Variants in UBA3 observed in about 807,000 individuals in gnomAD.
UBA3 encodes ubiquitin like modifier activating enzyme 3, also known as NEDD8-activating enzyme E1 catalytic subunit.
In UBA3, 26 loss-of-function variants were observed where a neutral mutation model predicts 73.5. The ratio of observed to expected loss-of-function variants is 0.35; its 90% CI spans 0.26 to 0.49. UBA3 has a LOEUF of 0.49. Ranked by LOEUF, UBA3 falls within the 20% of genes least tolerant of loss-of-function variation. The pLI is 0.98. For synonymous variants in UBA3, 217 were observed against 191.2 expected (o/e 1.13, Z -1.11); for missense variants, 495 against 555.6 (o/e 0.89, Z 1.10).
Position 69,064,017 on chromosome 3 carries a change from C to G in UBA3, c.472+51G>C, listed in dbSNP as rs1480737447. On this transcript the variant is annotated intron_variant, in intron 7 of 17. Transcript: ENST00000361055. ...CTAGCAATATTTGAATAGCTACCAA[C>G]TAAAAAATTCTAAGAATCTAGTGAG... 4 of 1,497,304 alleles carry G rather than the reference C, an allele frequency of 2.7e-6. No individual in the cohort carries two copies. The Admixed American group carries it at 7.9e-5, about 30-fold the overall frequency. The allele number at this position is 1,497,304 out of a possible 1,614,324, so 92.8% of individuals were successfully genotyped here.
chr3:69,068,810 A>T (rs1466124540), intron 5 of UBA3, among the ~76,000 whole-genome samples: 1 of 152,194 alleles, frequency 6.6e-6, no homozygotes, highest in African/African-American at 2.4e-5. Context: ...ACCTCAGGTG[A>T]TCTGCCCGCC....
At chr3:69,070,403 T>G (rs2092111473) in intron 5 of UBA3, among the ~76,000 whole-genome samples, 1 of 152,186 alleles carries the variant, frequency 6.6e-6, no homozygotes, top group Non-Finnish European at 1.5e-5. Flanking sequence ...ATCCAAAAAC[T>G]TAATGTTACC....
At chr3:69,058,269 T>G (rs565600363) in intron 11 of UBA3, among the ~76,000 whole-genome samples, 5 of 152,340 alleles carry the variant, frequency 3.3e-5, no homozygotes, top group Middle Eastern at 3.4e-3. Flanking sequence ...AAACCATTTT[T>G]TAAAAGTACA....
chr3:69,070,764 T>C (rs1393041094), intron 5 of UBA3, among the ~76,000 whole-genome samples: 1 of 152,074 alleles, frequency 6.6e-6, no homozygotes, highest in Non-Finnish European at 1.5e-5. Flanking sequence ...ACGATCCTCC[T>C]ACCTCAGCTT....
intron 10 of UBA3, 50 bp downstream of exon 10, chr3:69,062,026 GA>G: frequency 6.9e-7 from 1 of 1,450,474 alleles, no homozygotes; most frequent in South Asian, 1.2e-5. Context: ...GAATAATATA[GA>G]AAAAATATGT....
Position 69,062,144 on chromosome 3 carries a change from G to A in UBA3, c.729C>T (p.Pro243=). 1 of 1,613,532 alleles carries A rather than the reference G, an allele frequency of 6.2e-7. No individual in the cohort carries two copies. The highest frequency in any genetic ancestry group is 8.5e-7 in the Non-Finnish European group (1 of 1,179,594). Residue 243 remains proline (P), a synonymous_variant, in exon 10 of 18, where the codon CCC becomes CCT. Transcript: ENST00000361055. ...NFPMCTIASM[P]RLPEHCIEYV... Reference sequence around the variant, plus strand: ...ACTCAATACAGTGTTCTGGTAGCCTGGGCATAGATGCAATGGTGCACATGG... The same window carrying A: ...ACTCAATACAGTGTTCTGGTAGCCTAGGCATAGATGCAATGGTGCACATGG...
rs1236599440 is a variant in UBA3 at position 69,068,790 on chromosome 3, C to T, written c.348-782G>A. Among the ~76,000 whole-genome samples the T allele has an allele frequency of 2.0e-5, 3 of 152,124 alleles. No individual in the cohort carries two copies. In the East Asian group the frequency reaches 5.8e-4, roughly 29 times the overall value. ...TTTGCCATGTTGGTCAGGCTGGTCTCGAACTCCTGACCTCAGGTGATCTGC... is the reference window on the plus strand; with the variant it reads ...TTTGCCATGTTGGTCAGGCTGGTCTTGAACTCCTGACCTCAGGTGATCTGC... On this transcript the variant is annotated intron_variant, in intron 5 of 17. Coordinates refer to ENST00000361055, the MANE Select transcript of UBA3 (RefSeq NM_003968.4).
At chr3:69,070,441 A>G (rs2092112022) in intron 5 of UBA3, among the ~76,000 whole-genome samples, 1 of 152,180 alleles carries the variant, frequency 6.6e-6, no homozygotes, top group East Asian at 1.9e-4. Flanking sequence ...TTTATCCTAT[A>G]TACCCAGAAC....
At chr3:69,063,343 A>C (rs961263838) in intron 8 of UBA3, 96 bp downstream of exon 8, 3 of 1,353,170 alleles carry the variant, frequency 2.2e-6, no homozygotes, top group Non-Finnish European at 3.0e-6. Context: ...TAAAAATTAA[A>C]CTCTGATTTT....
chr3:69,057,075 G>T (rs1297981528), intron 12 of UBA3, among the ~76,000 whole-genome samples, 181 bp downstream of exon 12: 1 of 152,140 alleles, frequency 6.6e-6, no homozygotes, highest in East Asian at 1.9e-4. Context: ...TTTACTGCAG[G>T]TAACTTAAGA....
intron 11 of UBA3, among the ~76,000 whole-genome samples, chr3:69,057,640 T>C (rs1457649304): frequency 2.6e-5 from 4 of 152,220 alleles, no homozygotes; most frequent in East Asian, 1.9e-4. Context: ...AACATCTTCA[T>C]GTTAATTACT....
chr3:69,078,448 T>G (rs1441393342), intron 2 of UBA3, among the ~76,000 whole-genome samples: 1 of 152,206 alleles, frequency 6.6e-6, no homozygotes, highest in Non-Finnish European at 1.5e-5. Context: ...TCACACACTT[T>G]TCTCAGAAAT....
chr3:69,068,359 T>C (rs1414549690), intron 5 of UBA3, among the ~76,000 whole-genome samples: 2 of 152,174 alleles, frequency 1.3e-5, no homozygotes, highest in Non-Finnish European at 1.5e-5. Context: ...CAGAACCTTA[T>C]GGTGTTACTC....
intron 9 of UBA3, 25 bp from the exon 10 acceptor site, chr3:69,062,204 A>G: frequency 2.1e-6 from 3 of 1,462,020 alleles, no homozygotes; most frequent in Non-Finnish European, 2.9e-6. Flanking sequence ...TGTCCTTTTC[A>G]GTGAATTTTA....
chr3:69,067,908 T>C lies in UBA3; in HGVS notation c.428+20A>G, dbSNP rs1389827059. 6.4e-7 allele frequency: 1 copy of C among 1,552,016 alleles called. No individual in the cohort carries two copies. Among genetic ancestry groups the C allele is most frequent in the Non-Finnish European group, 8.8e-7 (1 of 1,131,844 alleles). On this transcript the variant is annotated intron_variant, in intron 6 of 17. Transcript: ENST00000361055. ...AAAGCTTTTAAAAATTAAGTAATTT[T>C]CTTTTTGTCAAAAGGATACGGAACT...
At chr3:69,057,109 CAA>C in intron 12 of UBA3, 145 bp downstream of exon 12, 1 of 907,618 alleles carries the variant, frequency 1.1e-6, no homozygotes, top group African/African-American at 1.7e-5. Flanking sequence ...AAAAAATATG[CAA>C]AGTCTAATAA....
chr3:69,073,311 C>G (rs2092136997), intron 4 of UBA3, among the ~76,000 whole-genome samples: 2 of 152,316 alleles, frequency 1.3e-5, no homozygotes, highest in African/African-American at 4.8e-5. Context: ...GCGATGATAG[C>G]CTCCTTGCAG....
chr3:69,060,526 T>A (rs2092013085), intron 11 of UBA3, among the ~76,000 whole-genome samples: 1 of 152,230 alleles, frequency 6.6e-6, no homozygotes, highest in African/African-American at 2.4e-5. Context: ...ATGCTGCATG[T>A]TGGCCTGAAC....
chr3:69,075,505 G>C lies in UBA3; in HGVS notation c.189C>G (p.Leu63=). The C allele has an allele frequency of 6.5e-7, 1 of 1,545,760 alleles. No homozygotes were observed. The highest frequency in any genetic ancestry group is 8.7e-7 in the Non-Finnish European group (1 of 1,149,886). ...HPDFEPSTES[L]QFLLDTCKVL... is the part of the protein sequence containing the mutation. ...CTTTACATGTATCTAACAAGAACTG[G>C]AGAGACTGTAAAGAATGGAAAGGCA... Residue 63 remains leucine, a synonymous_variant, in exon 4 of 18, where the codon CTC becomes CTG. Coordinates refer to ENST00000361055, the MANE Select transcript of UBA3 (RefSeq NM_003968.4).
Sources: gnomAD v4.1 joint callset for allele counts (sites outside exome capture counted in the v4.1 genomes callset) on GRCh38, gnomAD v4.1.1 for gene constraint, MANE v1.5 for transcripts, NCBI Gene and HGNC (gene_info 2026-07-23, HGNC 2026-07-21) for gene names.